The following SBF1 variants were observed in gnomAD, a reference collection of about 807,000 sequenced individuals.
SBF1 encodes myotubularin-related protein 5.
A neutral mutation model predicts 215.8 loss-of-function variants in SBF1; 65 were observed. The observed-to-expected ratio is 0.30, with a 90% CI of 0.25 to 0.37. SBF1 has a LOEUF of 0.37. Among genes scored for constraint, SBF1 ranks in the 10% least tolerant of loss-of-function variants. The pLI, the probability that SBF1 is intolerant of heterozygous loss-of-function variation, is 1.00. For synonymous variants in SBF1, 1,410 were observed against 1,122.8 expected (o/e 1.26, Z -5.11); for missense variants, 2,634 against 2,667.8 (o/e 0.99, Z 0.28).
At position 50,467,596 on chromosome 22, in the gene SBF1, G is replaced by A. The variant is rs868063871; in HGVS notation, c.374C>T (p.Ala125Val). Reference sequence around the variant, plus strand: ...CAGCGTCTTCGGTGCAAACAGCTGGGCAGATGGGGCAGGTGCTGTGGGAGA... The same window carrying A: ...CAGCGTCTTCGGTGCAAACAGCTGGACAGATGGGGCAGGTGCTGTGGGAGA... The part of the protein sequence containing the change: ...HLSPTAPAPS[A>V]QLFAPKTLVL... The change falls in exon 4 of 41, where the codon GCC becomes GTC. Residue 125 changes from alanine (A) to valine (V), a missense_variant. Ala to Val is a moderately conservative substitution (Grantham distance 64). Transcript: ENST00000380817. 5 of 1,614,008 alleles carry A rather than the reference G, an allele frequency of 3.1e-6. No homozygotes were observed. The African/African-American group carries it at 5.3e-5, about 17-fold the overall frequency.
In SBF1 at chr22:50,460,370, GTCT is replaced by G; in HGVS notation, c.3182_3184del (p.Lys1061del). The G allele has an allele frequency of 6.2e-7, 1 of 1,613,472 alleles. No homozygotes were observed. The highest frequency in any genetic ancestry group is 2.2e-5 in the East Asian group (1 of 44,876). ...GCGAGTGACATGCTGCCGCCCGATG[GTCT>G]TCTTGGCGTTCTTGACCAGGTTCCG... On this transcript the variant is annotated inframe_deletion, in exon 25 of 41. Coordinates refer to ENST00000380817, the MANE Select transcript of SBF1 (RefSeq NM_002972.4).
Position 50,447,509 on chromosome 22 carries a change from C to T in SBF1, c.5451+13G>A, listed in dbSNP as rs1427744603. The stretch of plus-strand genomic sequence containing the variant: ...CCTCCCCCGTGAGTCCCCCCCACCA[C>T]CTGATCACTCACCTGGTGCTTGGTC... On this transcript the variant is annotated intron_variant, in intron 39 of 40. Transcript: ENST00000380817. The T allele has an allele frequency of 1.2e-6, 2 of 1,611,598 alleles. No homozygotes were observed. The highest frequency in any genetic ancestry group is 2.2e-5 in the East Asian group (1 of 44,814).
chr22:50,458,546 G>A (rs1358079977), intron 28 of SBF1, among the ~76,000 whole-genome samples: 3 of 152,196 alleles, frequency 2.0e-5, no homozygotes, highest in South Asian at 2.1e-4. Context: ...AAGGCAGCAA[G>A]ACAGGGCGAT....
intron 2 of SBF1, 49 bp from the exon 3 acceptor site, chr22:50,467,972 G>C: frequency 1.9e-6 from 3 of 1,600,248 alleles, no homozygotes; most frequent in Non-Finnish European, 2.6e-6. Context: ...CCTGTGGCAG[G>C]AACCAGCCCA....
Position 50,465,750 on chromosome 22 carries a change from C to A in SBF1, c.1089+13G>T. On this transcript the variant is annotated intron_variant, in intron 10 of 40. Transcript: ENST00000380817. ...GCCTGGGGTCCCCATGCAGGAGCAG[C>A]AACGACCCCCACCTGCATCTTCAGG... is the stretch of plus-strand genomic sequence containing the variant. 1 of 1,588,416 alleles carries A rather than the reference C, an allele frequency of 6.3e-7. No homozygotes were observed.
chr22:50,454,475 G>T, intron 36 of SBF1, 37 bp downstream of exon 36: 1 of 1,547,846 alleles, frequency 6.5e-7, no homozygotes, highest in Non-Finnish European at 8.8e-7. Context: ...AGAGGAGGGG[G>T]GTGCCAGGCC....
At chr22:50,458,359 G>A (rs1047848326) in intron 28 of SBF1, among the ~76,000 whole-genome samples, 2 of 151,150 alleles carry the variant, frequency 1.3e-5, no homozygotes. Flanking sequence ...GACTACAGCT[G>A]AGTGAAGCTT....
Position 50,447,233 on chromosome 22 carries a change from G to T in SBF1, c.5591C>A (p.Thr1864Lys). The T allele has an allele frequency of 6.2e-7, 1 of 1,613,970 alleles. No individual in the cohort carries two copies. The highest frequency in any genetic ancestry group is 1.1e-5 in the South Asian group (1 of 91,084). Residue 1864 changes from threonine (T) to lysine (K), a missense_variant, in exon 41 of 41, where the codon ACA becomes AAA. By Grantham distance (78) the Thr-to-Lys change is moderately conservative (BLOSUM62 -1). Transcript: ENST00000380817. ...ACAGAAGTTGTAAACGCGACGCGTT[G>T]TCTTCACCTGGGGAAGGGCGGGTTA... ...VDEKAFFDVK[T>K]TRRVYNFCAQ...
Position 50,455,324 on chromosome 22 carries a change from G to C in SBF1, c.4454C>G (p.Ser1485Cys). The change falls in exon 33 of 41, where the codon TCC (serine) becomes TGC (cysteine). Residue 1485 changes from serine to cysteine, a missense_variant. Transcript: ENST00000380817. The part of the protein sequence containing the change: ...FRLLVEKEWL[S>C]FGHRFSHRGA... The stretch of plus-strand genomic sequence containing the variant: ...ACGGTGGCTGAAGCGATGGCCGAAG[G>C]ACAGCCACTCCTTCTCCACCAGCAG... The C allele has an allele frequency of 6.2e-7, 1 of 1,613,414 alleles. No individual in the cohort carries two copies. The highest frequency in any genetic ancestry group is 8.5e-7 in the Non-Finnish European group (1 of 1,179,956).
chr22:50,448,399 G>A lies in SBF1; in HGVS notation c.5197C>T (p.Arg1733Cys), dbSNP rs199972466. Residue 1733 changes from arginine to cysteine, a missense_variant, in exon 38 of 41, where the codon CGC (arginine) becomes TGC (cysteine). Physicochemically the swap from Arg to Cys is radical, Grantham distance 180. Transcript: ENST00000380817. ...TCCTGCAGGTACACACCCAGCGAGC[G>A]ACGGTGGTGGGGTGCGGTGGACACA... is the stretch of plus-strand genomic sequence containing the variant. Reference protein sequence around the residue: ...LLVSTAPHHRRSLGVYLQEGP... With the variant: ...LLVSTAPHHRCSLGVYLQEGP... The A allele has an allele frequency of 5.2e-4, 844 of 1,613,902 alleles. 3 individuals are homozygous for A. The highest frequency in any genetic ancestry group is 2.4e-3 in the Admixed American group (144 of 60,026).
chr22:50,455,350 G>A lies in SBF1; in HGVS notation c.4428C>T (p.Arg1476=), dbSNP rs764369658. 6.2e-7 allele frequency: 1 copy of A among 1,613,554 alleles called. No homozygotes were observed. Among genetic ancestry groups the A allele is most frequent in the South Asian group, 1.1e-5 (1 of 91,092 alleles). Residue 1476 remains arginine (R), a synonymous_variant, in exon 33 of 41, where the codon CGC becomes CGT. Coordinates refer to ENST00000380817, the MANE Select transcript of SBF1 (RefSeq NM_002972.4). ...DPFYRTLEGF[R]LLVEKEWLSF... ...ACAGCCACTCCTTCTCCACCAGCAG[G>A]CGAAAGCCCTCCAGCGTGCGGTAGA...
Position 50,473,942 on chromosome 22 carries a change from G to A in SBF1, c.55+844C>T, listed in dbSNP as rs574886250. Among the ~76,000 whole-genome samples the A allele has an allele frequency of 3.5e-4, 53 of 152,334 alleles. 1 individual carries two copies. Among genetic ancestry groups the A allele is most frequent in the Admixed American group, 2.9e-3 (44 of 15,308 alleles). ...CCCGGTGGGCTGCTGGGAGGAAGAG[G>A]TGAGATCATGTACACAAAGGGCTGT... On this transcript the variant is annotated intron_variant, in intron 1 of 40. Transcript: ENST00000380817.
intron 2 of SBF1, 28 bp from the exon 3 acceptor site, chr22:50,467,951 C>T (rs1476679670): frequency 6.2e-7 from 1 of 1,611,722 alleles, no homozygotes; most frequent in South Asian, 1.1e-5. Context: ...CAGTCAGCTC[C>T]TCCCCCTACA....
intron 36 of SBF1, among the ~76,000 whole-genome samples, chr22:50,450,900 G>C (rs1038760576): frequency 1.3e-5 from 2 of 152,218 alleles, no homozygotes; most frequent in Non-Finnish European, 2.9e-5. Flanking sequence ...TTGACCCAAG[G>C]AGTGTGAGAA....
Position 50,468,555 on chromosome 22 carries a change from G to A in SBF1, c.56-94C>T, listed in dbSNP as rs2067877932. 6 of 827,576 alleles carry A rather than the reference G, an allele frequency of 7.3e-6. No individual in the cohort carries two copies. In the South Asian group the frequency reaches 1.1e-4, roughly 15 times the overall value. The allele number at this position is 827,576 out of a possible 1,614,324, so 51.3% of individuals were successfully genotyped here. A position where few individuals can be genotyped will look rare whatever the true frequency, so the allele number is the denominator to read the frequency against. On this transcript the variant is annotated intron_variant, in intron 1 of 40. Coordinates refer to ENST00000380817, the MANE Select transcript of SBF1 (RefSeq NM_002972.4). The stretch of plus-strand genomic sequence containing the variant: ...AGGGTGGAAACATTCCCACCCACTG[G>A]GCCCTCATCTGGCACCAGATCAGCC...
At chr22:50,456,435 CCCCAAGCCCCCT>C in intron 30 of SBF1, 40 bp from the exon 31 acceptor site, 1 of 1,597,748 alleles carries the variant, frequency 6.3e-7, no homozygotes, top group Non-Finnish European at 8.5e-7. Context: ...ACACATGAGG[CCCCAAGCCCCCT>C]GCCGAGCCCC....
intron 1 of SBF1, 79 bp from the exon 2 acceptor site, chr22:50,468,540 C>T: frequency 1.1e-6 from 1 of 912,540 alleles, no homozygotes; most frequent in Non-Finnish European, 1.5e-6. Flanking sequence ...AGGGTGGAAA[C>T]ATTCCCACCC....
chr22:50,450,453 G>A (rs1420001083), intron 36 of SBF1, among the ~76,000 whole-genome samples: 1 of 151,874 alleles, frequency 6.6e-6, no homozygotes, highest in African/African-American at 2.4e-5. Flanking sequence ...CATGGGAAGT[G>A]GAGGCTGCAG....
intron 10 of SBF1, 146 bp from the exon 11 acceptor site, chr22:50,465,474 C>G (rs1171329279): frequency 1.4e-6 from 1 of 733,274 alleles, no homozygotes; most frequent in Non-Finnish European, 2.2e-6. Context: ...TCAGGGCCAC[C>G]AGCTCCTCTG....
Sources: allele counts gnomAD v4.1 joint callset (sites outside exome capture counted in the v4.1 genomes callset), GRCh38; gene constraint gnomAD v4.1.1; transcripts MANE v1.5; gene names NCBI Gene and HGNC (gene_info 2026-07-23, HGNC 2026-07-21).